The following ZNF544 variants were observed in gnomAD, a reference collection of about 807,000 sequenced individuals.
The protein encoded by ZNF544 is zinc finger protein 544.
In ZNF544, 10 loss-of-function variants were observed where a neutral mutation model predicts 13.5. The observed-to-expected ratio is 0.74, with a 90% CI of 0.46 to 1.25. ZNF544 has a LOEUF of 1.25. ZNF544 is among the 50% of genes most tolerant of loss of function. ZNF544 has a pLI of 0.00. For synonymous variants in ZNF544, 323 were observed against 300.5 expected (o/e 1.07, Z -0.77); for missense variants, 896 against 845.6 (o/e 1.06, Z -0.74).
chr19:58,246,352 G>A lies in ZNF544; in HGVS notation c.85G>A (p.Glu29Lys), dbSNP rs142682785. ...TATGGCATTCACACAGGAGGAGTGG[G>A]AACAGCTGGACCTGGCCCAGAGGAC... is the stretch of plus-strand genomic sequence containing the variant. ...VAMAFTQEEW[E>K]QLDLAQRTLY... Residue 29 changes from glutamate (E) to lysine (K), a missense_variant, in exon 5 of 7, where the codon GAA becomes AAA. Transcript: ENST00000687789. 2 of 1,614,134 alleles carry A rather than the reference G, an allele frequency of 1.2e-6. No homozygotes were observed. The highest frequency in any genetic ancestry group is 1.7e-5 in the Admixed American group (1 of 60,022).
At chr19:58,248,863 G>A (rs548033557) in intron 6 of ZNF544, among the ~76,000 whole-genome samples, 1 of 152,286 alleles carries the variant, frequency 6.6e-6, no homozygotes, top group East Asian at 1.9e-4. Flanking sequence ...GAATTTTCTG[G>A]GGTTTAAATC....
intron 5 of ZNF544, 117 bp from the exon 6 acceptor site, chr19:58,246,594 T>C: frequency 6.8e-7 from 1 of 1,463,800 alleles, no homozygotes; most frequent in Non-Finnish European, 9.3e-7. Context: ...GTTTGTGACT[T>C]GTAGTCCTAA....
downstream of ZNF544, among the ~76,000 whole-genome samples, chr19:58,264,476 G>A (rs1483543480): frequency 6.7e-6 from 1 of 150,050 alleles, no homozygotes; most frequent in Non-Finnish European, 1.5e-5. Flanking sequence ...TGGATCACTT[G>A]AGGACAGGCA....
chr19:58,236,561 A>G (rs2146613475), intron 3 of ZNF544, among the ~76,000 whole-genome samples: 1 of 151,958 alleles, frequency 6.6e-6, no homozygotes, highest in South Asian at 2.1e-4. Context: ...TCATTTTGAG[A>G]TATATACTTA....
At chr19:58,242,127 G>C in intron 3 of ZNF544, 2 of 593,156 alleles carry the variant, frequency 3.4e-6, no homozygotes, top group Non-Finnish European at 4.2e-6. Flanking sequence ...GTTCTCAGAA[G>C]AGATTGCCTG....
Position 58,262,377 on chromosome 19 carries a change from T to C in ZNF544, c.1771T>C (p.Leu591=), listed in dbSNP as rs2049157862. The C allele has an allele frequency of 1.2e-6, 2 of 1,613,862 alleles. No individual in the cohort carries two copies. The highest frequency in any genetic ancestry group is 3.3e-5 in the Admixed American group (2 of 59,996). The change falls in exon 7 of 7, where the codon TTA becomes CTA. Residue 591 remains leucine (L), a synonymous_variant. Transcript: ENST00000687789. ...CGKSFSQSYQ[L]VAHKRTHTGE... The stretch of plus-strand genomic sequence containing the variant: ...AAAGTCCTTCAGCCAAAGCTATCAG[T>C]TAGTTGCACATAAAAGAACTCACAC...
At position 58,261,010 on chromosome 19, in the gene ZNF544, A is replaced by G. The variant is rs1471192145; in HGVS notation, c.404A>G (p.His135Arg). The G allele has an allele frequency of 6.2e-7, 1 of 1,614,100 alleles. No homozygotes were observed. Among genetic ancestry groups the G allele is most frequent in the Non-Finnish European group, 8.5e-7 (1 of 1,180,062 alleles). Residue 135 changes from histidine (H) to arginine (R), a missense_variant, in exon 7 of 7, where the codon CAC (histidine) becomes CGC (arginine). By Grantham distance (29) the His-to-Arg change is conservative (BLOSUM62 0). Coordinates refer to ENST00000687789, the MANE Select transcript of ZNF544 (RefSeq NM_014480.4). ...GATCAGAGCAACCAGTTAAGGGAAC[A>G]CCAGGAGAACTCCTTGAGGTTCATG... Reference protein sequence around the residue: ...VQDQSNQLREHQENSLRFMVL... With the variant: ...VQDQSNQLRERQENSLRFMVL...
intron 3 of ZNF544, among the ~76,000 whole-genome samples, chr19:58,242,519 C>CTT (rs146833444): frequency 7.7e-5 from 11 of 142,822 alleles, no homozygotes; most frequent in African/African-American, 2.6e-4. Context: ...AGTTGTTTCG[C>CTT]TTTTTTTTTT....
rs1392444545 is a variant in ZNF544, at chr19:58,262,827, G to A, written c.*73G>A. On this transcript the variant is annotated 3_prime_UTR_variant, in exon 7 of 7. Transcript: ENST00000687789. ...CATGCACCAGAGGACGCATGTCGGT[G>A]GGAAGAGCTATCAGTGTGACGTGTA... 6.6e-7 allele frequency: 1 copy of A among 1,526,562 alleles called. No homozygotes were observed. The highest frequency in any genetic ancestry group is 8.8e-7 in the Non-Finnish European group (1 of 1,138,906). 94.6% of individuals were successfully genotyped at this position (1,526,562 alleles called of 1,614,324 possible).
At chr19:58,254,988 C>G (rs1282894226) in intron 6 of ZNF544, among the ~76,000 whole-genome samples, 1 of 145,576 alleles carries the variant, frequency 6.9e-6, no homozygotes, top group Non-Finnish European at 1.5e-5. Context: ...CCCGGGTTCA[C>G]GCCATTCTCC....
chr19:58,242,120 C>T (rs1026629272), intron 3 of ZNF544: 8 of 541,628 alleles, frequency 1.5e-5, no homozygotes, highest in Non-Finnish European at 1.9e-5. Flanking sequence ...CAGGAGAGTT[C>T]TCAGAAGAGA....
chr19:58,246,500 C>G (rs1187026863), intron 5 of ZNF544, 73 bp downstream of exon 5: 4 of 1,585,158 alleles, frequency 2.5e-6, no homozygotes, highest in Middle Eastern at 1.7e-4. Context: ...GAAGGGTGTT[C>G]TGGGATGTGC....
At chr19:58,238,300 G>A (rs933504077) in intron 3 of ZNF544, among the ~76,000 whole-genome samples, 7 of 152,144 alleles carry the variant, frequency 4.6e-5, no homozygotes, top group Non-Finnish European at 5.9e-5. Context: ...TAAGGGCAGC[G>A]AAAAGCTGGC....
chr19:58,256,527 C>T (rs758783115), intron 6 of ZNF544, among the ~76,000 whole-genome samples: 1 of 152,124 alleles, frequency 6.6e-6, no homozygotes, highest in Non-Finnish European at 1.5e-5. Context: ...AAAATGGTTA[C>T]AGAGAGATAA....
chr19:58,265,476 T>C (rs929611028), downstream of ZNF544, among the ~76,000 whole-genome samples: 1 of 152,038 alleles, frequency 6.6e-6, no homozygotes, highest in African/African-American at 2.4e-5. Flanking sequence ...TTTGTACTTT[T>C]AGTAGAGACA....
intron 3 of ZNF544, among the ~76,000 whole-genome samples, chr19:58,232,946 C>CAAA (rs71190012): frequency 1.8e-3 from 82 of 45,718 alleles, no homozygotes; most frequent in East Asian, 5.2e-3. Context: ...GACTCCATCT[C>CAAA]AAAAAAAAAA....
At chr19:58,252,157 A>G (rs2046391643) in intron 6 of ZNF544, among the ~76,000 whole-genome samples, 1 of 152,180 alleles carries the variant, frequency 6.6e-6, no homozygotes, top group Non-Finnish European at 1.5e-5. Context: ...ACTTTAGCCA[A>G]TATATTCACA....
intron 5 of ZNF544, among the ~76,000 whole-genome samples, chr19:58,273,492 C>A (rs2050903048): frequency 6.6e-6 from 1 of 151,880 alleles, no homozygotes; most frequent in African/African-American, 2.4e-5. Context: ...AGATAGAGAC[C>A]CGCCTGGCCA....
intron 5 of ZNF544, among the ~76,000 whole-genome samples, chr19:58,275,153 A>T (rs775445175): frequency 6.6e-6 from 1 of 152,098 alleles, no homozygotes. Flanking sequence ...TAAAATGAGA[A>T]ATGCAAACAA....
Sources: allele counts gnomAD v4.1 joint callset (sites outside exome capture counted in the v4.1 genomes callset), GRCh38; gene constraint gnomAD v4.1.1; transcripts MANE v1.5; gene names NCBI Gene and HGNC (gene_info 2026-07-23, HGNC 2026-07-21).